Variants in BTRC observed in about 807,000 individuals in gnomAD.
The protein encoded by BTRC is F-box/WD repeat-containing protein 1A.
BTRC carries 42 observed loss-of-function variants against 85.5 expected under a neutral mutation model. The observed-to-expected ratio is 0.49, with a 90% confidence interval of 0.38 to 0.64. The LOEUF (loss-of-function observed/expected upper bound fraction) is 0.64, where lower values mean the gene tolerates loss of function less well. BTRC is among the 30% of genes least tolerant of loss of function. The pLI, the probability that BTRC is intolerant of heterozygous loss-of-function variation, is 0.00. For missense variants in BTRC, 594 were observed against 743.5 expected (o/e 0.80, Z 2.34); for synonymous variants, 255 against 263.3 (o/e 0.97, Z 0.30).
At chr10:101,485,399 A>G (rs1945956118) in intron 4 of BTRC, among the ~76,000 whole-genome samples, 1 of 152,242 alleles carries the variant, frequency 6.6e-6, no homozygotes, top group East Asian at 1.9e-4. Context: ...CCTGAAGTCC[A>G]GCCGCATTGA....
In BTRC at chr10:101,534,895, G is replaced by A. The variant is rs748789800; in HGVS notation, c.1332G>A (p.Gly444=). 5 of 1,613,972 alleles carry A rather than the reference G, an allele frequency of 3.1e-6. No individual in the cohort carries two copies. The highest frequency in any genetic ancestry group is 3.4e-6 in the Non-Finnish European group (4 of 1,179,940). ...ACAAGTACATTGTTTCTGCATCTGG[G>A]GATAGAACTATAAAGGTAATAAGGC... The part of the protein sequence containing the change: ...FDDKYIVSAS[G]DRTIKVWNTS... Residue 444 remains glycine (G), a synonymous_variant, in exon 10 of 15, where the codon GGG becomes GGA. Transcript: ENST00000370187.
At chr10:101,541,467 A>G (rs1470928209) in intron 13 of BTRC, among the ~76,000 whole-genome samples, 1 of 151,984 alleles carries the variant, frequency 6.6e-6, no homozygotes, top group Non-Finnish European at 1.5e-5. Flanking sequence ...TCATCATGTT[A>G]GCCAGGATGG....
At chr10:101,404,598 T>TA (rs1324994690) in intron 1 of BTRC, among the ~76,000 whole-genome samples, 1 of 152,166 alleles carries the variant, frequency 6.6e-6, no homozygotes, top group African/African-American at 2.4e-5. Flanking sequence ...CAATGTCTGT[T>TA]ACATTTTGAA....
chr10:101,423,019 T>G (rs1197242181), intron 1 of BTRC, among the ~76,000 whole-genome samples: 3 of 151,916 alleles, frequency 2.0e-5, no homozygotes, highest in Non-Finnish European at 2.9e-5. Context: ...GTCATTGGTA[T>G]TGATATTGAT....
At chr10:101,508,653 G>A (rs994699020) in intron 4 of BTRC, among the ~76,000 whole-genome samples, 27 of 152,210 alleles carry the variant, frequency 1.8e-4, no homozygotes, top group African/African-American at 5.1e-4. Context: ...GGTGGCTCAC[G>A]CCTGTAATCC....
At chr10:101,509,696 G>T (rs1384402923) in intron 4 of BTRC, among the ~76,000 whole-genome samples, 1 of 148,614 alleles carries the variant, frequency 6.7e-6, no homozygotes, top group Non-Finnish European at 1.5e-5. Flanking sequence ...GAGACTACAG[G>T]CATGCACCAC....
intron 13 of BTRC, among the ~76,000 whole-genome samples, chr10:101,541,129 C>G (rs1373615203): frequency 6.6e-6 from 1 of 151,408 alleles, no homozygotes; most frequent in African/African-American, 2.4e-5. Context: ...TGGCTAAGAC[C>G]TCCAGTACAA....
At chr10:101,396,381 G>A (rs1281670061) in intron 1 of BTRC, among the ~76,000 whole-genome samples, 1 of 150,240 alleles carries the variant, frequency 6.7e-6, no homozygotes, top group Non-Finnish European at 1.5e-5. Flanking sequence ...CTGCCACTAT[G>A]CGAAAACTTG....
intron 2 of BTRC, among the ~76,000 whole-genome samples, chr10:101,435,430 C>A (rs1373517392): frequency 6.6e-6 from 1 of 152,154 alleles, no homozygotes; most frequent in Non-Finnish European, 1.5e-5. Context: ...CTTGAACTTA[C>A]TTCATATAAA....
At chr10:101,374,036 A>G (rs1942717336) in intron 1 of BTRC, among the ~76,000 whole-genome samples, 1 of 152,158 alleles carries the variant, frequency 6.6e-6, no homozygotes, top group Non-Finnish European at 1.5e-5. Context: ...ATTATTCTGT[A>G]CTTTTTTGTA....
At chr10:101,485,179 A>T (rs544198837) in intron 4 of BTRC, among the ~76,000 whole-genome samples, 1 of 152,342 alleles carries the variant, frequency 6.6e-6, no homozygotes, top group South Asian at 2.1e-4. Context: ...ACCATTTTCA[A>T]CCAAAAAGAG....
chr10:101,433,543 G>C (rs1944453661), intron 2 of BTRC, among the ~76,000 whole-genome samples: 1 of 152,218 alleles, frequency 6.6e-6, no homozygotes, highest in Admixed American at 6.5e-5. Flanking sequence ...CCAAGAGCCA[G>C]TGAGGCTTGG....
intron 3 of BTRC, among the ~76,000 whole-genome samples, chr10:101,466,490 AT>A (rs915629395): frequency 1.3e-5 from 2 of 152,000 alleles, no homozygotes; most frequent in African/African-American, 4.8e-5. Flanking sequence ...AGGGCATTAC[AT>A]TTTCCTCCCC....
chr10:101,420,710 T>C (rs992614704), intron 1 of BTRC, among the ~76,000 whole-genome samples: 2 of 152,024 alleles, frequency 1.3e-5, no homozygotes, highest in African/African-American at 4.8e-5. Context: ...GGGAATACCC[T>C]TTTCCTACTA....
intron 1 of BTRC, among the ~76,000 whole-genome samples, chr10:101,425,122 A>G (rs1441542925): frequency 1.3e-5 from 2 of 152,108 alleles, no homozygotes; most frequent in Non-Finnish European, 2.9e-5. Flanking sequence ...TCTGCAGAGG[A>G]CATGATTTCA....
chr10:101,551,570 G>A (rs1034400091), intron 14 of BTRC, among the ~76,000 whole-genome samples: 5 of 152,160 alleles, frequency 3.3e-5, no homozygotes, highest in African/African-American at 1.2e-4. Context: ...TAACCAGTTC[G>A]AATACACTAG....
intron 13 of BTRC, 90 bp from the exon 14 acceptor site, chr10:101,550,609 C>T (rs2062634331): frequency 7.2e-7 from 1 of 1,394,018 alleles, no homozygotes; most frequent in African/African-American, 1.4e-5. Context: ...CATAGCCTTT[C>T]CGTAGACTCC....
intron 4 of BTRC, among the ~76,000 whole-genome samples, chr10:101,514,129 AATT>A (rs1435583188): frequency 2.6e-5 from 4 of 152,192 alleles, no homozygotes; most frequent in African/African-American, 9.6e-5. Flanking sequence ...ATTTTTTAAA[AATT>A]ATTATTGAGT....
At chr10:101,403,821 C>G (rs1943546299) in intron 1 of BTRC, among the ~76,000 whole-genome samples, 1 of 151,690 alleles carries the variant, frequency 6.6e-6, no homozygotes, top group African/African-American at 2.4e-5. Context: ...TCTGGAACTC[C>G]TGGGCTGAAG....
Sources: allele counts gnomAD v4.1 joint callset (sites outside exome capture counted in the v4.1 genomes callset), GRCh38; gene constraint gnomAD v4.1.1; transcripts MANE v1.5; gene names NCBI Gene and HGNC (gene_info 2026-07-23, HGNC 2026-07-21).